The following ZNF90 variants were observed in gnomAD, a reference collection of about 807,000 sequenced individuals.
The protein encoded by ZNF90 is zinc finger protein 90.
A neutral mutation model predicts 12.0 loss-of-function variants in ZNF90; 11 were observed. The observed-to-expected ratio is 0.92, with a 90% CI of 0.58 to 1.52. ZNF90 has a LOEUF of 1.52. Among genes scored for constraint, ZNF90 ranks in the 40% most tolerant of loss-of-function variants. The pLI is 0.00. For synonymous variants in ZNF90, 232 were observed against 240.1 expected, an observed-to-expected ratio of 0.97 and a Z score of 0.31; for missense variants, 765 against 711.5, an observed-to-expected ratio of 1.08 and a Z score of -0.86.
At chr19:20,113,770 G>A (rs2089112281) in intron 3 of ZNF90, among the ~76,000 whole-genome samples, 1 of 152,068 alleles carries the variant, frequency 6.6e-6, no homozygotes, top group Admixed American at 6.5e-5. Context: ...AGAGCTTGCA[G>A]TGAGCGGAGA....
intron 1 of ZNF90, among the ~76,000 whole-genome samples, chr19:20,082,110 T>C (rs1344242588): frequency 2.6e-5 from 4 of 151,982 alleles, no homozygotes; most frequent in Non-Finnish European, 4.4e-5. Context: ...GGTACACATA[T>C]GGGTTTGTTA....
At chr19:20,085,306 C>A (rs1445056404) in intron 1 of ZNF90, among the ~76,000 whole-genome samples, 1 of 105,048 alleles carries the variant, frequency 9.5e-6, no homozygotes, top group Non-Finnish European at 1.7e-5. Flanking sequence ...TTGGCCGAGA[C>A]TGGAGTGCAG....
At chr19:20,082,852 A>G (rs1466202998) in intron 1 of ZNF90, among the ~76,000 whole-genome samples, 1 of 152,202 alleles carries the variant, frequency 6.6e-6, no homozygotes, top group Non-Finnish European at 1.5e-5. Context: ...TCCCTGGGCA[A>G]TGGAATGTCT....
chr19:20,114,613 A>C (rs1457384913), intron 3 of ZNF90, among the ~76,000 whole-genome samples: 1 of 152,050 alleles, frequency 6.6e-6, no homozygotes, highest in Non-Finnish European at 1.5e-5. Context: ...TTATTATTTT[A>C]TACTCTAATT....
At chr19:20,081,825 C>T (rs1186544027) in intron 1 of ZNF90, among the ~76,000 whole-genome samples, 6 of 148,768 alleles carry the variant, frequency 4.0e-5, no homozygotes, top group Admixed American at 4.0e-4. Flanking sequence ...AGTGCAGTGG[C>T]GAGATCTCGG....
chr19:20,106,765 A>T (rs1049998500), intron 3 of ZNF90, among the ~76,000 whole-genome samples: 1 of 152,058 alleles, frequency 6.6e-6, no homozygotes, highest in Non-Finnish European at 1.5e-5. Flanking sequence ...GGTTTTCATA[A>T]ATTGGTTTTA....
rs1555706362 is a variant in ZNF90 at position 20,119,573 on chromosome 19, ACT to A, written c.*216_*217del. On this transcript the variant is annotated 3_prime_UTR_variant, in exon 4 of 4. Coordinates refer to ENST00000418063, the MANE Select transcript of ZNF90 (RefSeq NM_007138.2). The stretch of plus-strand genomic sequence containing the variant: ...TACACATAATTCATACTGGACGGAA[ACT>A]CTACAGGTGTGAAAAATGCAGCAAA... 3 of 505,430 alleles carry A rather than the reference ACT, an allele frequency of 5.9e-6. No individual in the cohort carries two copies. Among genetic ancestry groups the A allele is most frequent in the Admixed American group, 3.5e-5 (1 of 28,252 alleles). The allele number at this position is 505,430 out of a possible 1,614,324, so 31.3% of individuals were successfully genotyped here.
At chr19:20,083,532 G>T (rs1320694197) in intron 1 of ZNF90, among the ~76,000 whole-genome samples, 1 of 151,952 alleles carries the variant, frequency 6.6e-6, no homozygotes, top group Non-Finnish European at 1.5e-5. Flanking sequence ...TCTCCATGTT[G>T]GTCAGGATGG....
At chr19:20,085,421 G>T (rs538083446) in intron 1 of ZNF90, among the ~76,000 whole-genome samples, 1 of 151,896 alleles carries the variant, frequency 6.6e-6, no homozygotes, top group African/African-American at 2.4e-5. Flanking sequence ...CACCGCGCCC[G>T]GCTAATTTTT....
rs115590970 is a variant in ZNF90, at chr19:20,081,141, C to T, written c.3+3006C>T. 9.5e-3 allele frequency among the ~76,000 whole-genome samples: 1,444 copies of T among 152,280 alleles called. 16 individuals carry two copies. The highest frequency in any genetic ancestry group is 0.033 in the African/African-American group (1,370 of 41,550). ...CACACACACTAGACATAGACGTGCC[C>T]ATACTCCTCCCAGGACTAGGCACCA... On this transcript the variant is annotated intron_variant, in intron 1 of 3. Transcript: ENST00000418063.
intron 3 of ZNF90, among the ~76,000 whole-genome samples, chr19:20,108,596 G>A (rs2089059416): frequency 6.6e-6 from 1 of 152,034 alleles, no homozygotes; most frequent in Non-Finnish European, 1.5e-5. Context: ...GAGATTACAG[G>A]CATGAGCCAC....
At chr19:20,080,346 G>T in intron 1 of ZNF90, 3 of 478,932 alleles carry the variant, frequency 6.3e-6, no homozygotes, top group South Asian at 5.3e-5. Flanking sequence ...AGCCACAGGA[G>T]AAATTCCCCC....
intron 1 of ZNF90, among the ~76,000 whole-genome samples, chr19:20,089,771 A>G (rs2088887561): frequency 6.6e-6 from 1 of 152,084 alleles, no homozygotes; most frequent in Non-Finnish European, 1.5e-5. Flanking sequence ...GGAAGTTCGG[A>G]GGTGTAGGGA....
At chr19:20,110,306 T>A (rs2089075905) in intron 3 of ZNF90, among the ~76,000 whole-genome samples, 1 of 151,992 alleles carries the variant, frequency 6.6e-6, no homozygotes, top group Non-Finnish European at 1.5e-5. Flanking sequence ...TGAGATGGAG[T>A]CTTGCTCTGT....
intron 3 of ZNF90, among the ~76,000 whole-genome samples, chr19:20,115,928 C>T (rs904126232): frequency 2.6e-5 from 4 of 152,120 alleles, no homozygotes; most frequent in Non-Finnish European, 4.4e-5. Flanking sequence ...AAGCTGGAAG[C>T]AGTGGTGCAA....
intron 1 of ZNF90, among the ~76,000 whole-genome samples, chr19:20,082,873 C>T (rs2122472213): frequency 6.6e-6 from 1 of 152,298 alleles, no homozygotes; most frequent in Non-Finnish European, 1.5e-5. Context: ...CAGTGTAAAA[C>T]CTGATTGTAT....
intron 3 of ZNF90, among the ~76,000 whole-genome samples, chr19:20,106,610 C>G (rs372639014): frequency 6.6e-6 from 1 of 152,172 alleles, no homozygotes; most frequent in African/African-American, 2.4e-5. Flanking sequence ...CCCGCCACCA[C>G]GCCCAGCTAA....
chr19:20,090,079 G>A (rs1555702588), intron 1 of ZNF90, among the ~76,000 whole-genome samples: 1 of 152,242 alleles, frequency 6.6e-6, no homozygotes, highest in Non-Finnish European at 1.5e-5. Context: ...GGAGTTAAGA[G>A]TGGTGGTTTG....
chr19:20,081,116 C>G (rs1490385270), intron 1 of ZNF90, among the ~76,000 whole-genome samples: 1 of 152,178 alleles, frequency 6.6e-6, no homozygotes, highest in African/African-American at 2.4e-5. Flanking sequence ...TACTCACAAA[C>G]ACACACACTA....
Sources: gnomAD v4.1 joint callset for allele counts (sites outside exome capture counted in the v4.1 genomes callset) on GRCh38, gnomAD v4.1.1 for gene constraint, MANE v1.5 for transcripts, NCBI Gene and HGNC (gene_info 2026-07-23, HGNC 2026-07-21) for gene names.